Variants in EFCAB11 observed in about 807,000 individuals in gnomAD.
EFCAB11 encodes EF-hand calcium-binding domain-containing protein 11.
In EFCAB11, 14 loss-of-function variants were observed where a neutral mutation model predicts 23.0. That is an observed-to-expected ratio of 0.61 (90% CI 0.40 to 0.95). EFCAB11 has a LOEUF of 0.95. Among genes scored for constraint, EFCAB11 ranks in the 40% least tolerant of loss-of-function variants. The probability of loss-of-function intolerance (pLI) is 0.00; values close to 1 mark genes in which losing one functional copy is unlikely to be tolerated. For missense variants in EFCAB11, 198 were observed against 195.8 expected (o/e 1.01, Z -0.07); for synonymous variants, 65 against 66.6 (o/e 0.98, Z 0.11).
At chr14:89,936,157 AACC>A (rs1407364162) in intron 3 of EFCAB11, among the ~76,000 whole-genome samples, 1 of 152,230 alleles carries the variant, frequency 6.6e-6, no homozygotes, top group Non-Finnish European at 1.5e-5. Context: ...ATATAGTAAA[AACC>A]AAACAAAATT....
Position 89,943,844 on chromosome 14 carries a change from CACAT to C in EFCAB11, c.217+6249_217+6252del, listed in dbSNP as rs565692623. Reference sequence around the variant, plus strand: ...CTCCAAATAAACACACACACACACACACATACATACACACTCACACTAGAGTACA... The same window carrying C: ...CTCCAAATAAACACACACACACACACACATACACACTCACACTAGAGTACA... On this transcript the variant is annotated intron_variant, in intron 3 of 5. Coordinates refer to ENST00000316738, the MANE Select transcript of EFCAB11 (RefSeq NM_145231.4). 3.8e-3 allele frequency among the ~76,000 whole-genome samples: 582 copies of C among 152,274 alleles called. 1 individual carries two copies. The highest frequency in any genetic ancestry group is 6.7e-3 in the Non-Finnish European group (459 of 68,020).
At chr14:89,893,107 C>A (rs1228862256) in intron 5 of EFCAB11, among the ~76,000 whole-genome samples, 4 of 152,252 alleles carry the variant, frequency 2.6e-5, no homozygotes, top group Non-Finnish European at 4.4e-5. Flanking sequence ...AGCTCTCATT[C>A]CCACTCCCTT....
chr14:89,864,637 T>C (rs755124324), intron 5 of EFCAB11, among the ~76,000 whole-genome samples: 1 of 152,116 alleles, frequency 6.6e-6, no homozygotes, highest in Non-Finnish European at 1.5e-5. Flanking sequence ...CAGGGTTTTT[T>C]CATGCTGCCC....
At chr14:89,948,767 G>T (rs571849798) in intron 3 of EFCAB11, among the ~76,000 whole-genome samples, 4 of 152,150 alleles carry the variant, frequency 2.6e-5, no homozygotes, top group Admixed American at 2.6e-4. Context: ...CTCACTTATG[G>T]GATCTAAAAA....
At chr14:89,865,148 G>C (rs1372291695) in intron 5 of EFCAB11, among the ~76,000 whole-genome samples, 1 of 152,174 alleles carries the variant, frequency 6.6e-6, no homozygotes, top group Non-Finnish European at 1.5e-5. Flanking sequence ...CACTGACACG[G>C]GGCAAGGGCA....
chr14:89,810,805 C>T lies in EFCAB11; in HGVS notation c.411-13481G>A, dbSNP rs1596376689. Among the ~76,000 whole-genome samples the T allele has an allele frequency of 4.6e-5, 7 of 151,146 alleles. No individual in the cohort carries two copies. The South Asian group carries it at 1.5e-3, about 32-fold the overall frequency. The stretch of plus-strand genomic sequence containing the variant: ...ATTCCTGAGTCCAGTTACTCATTCA[C>T]CAGGCAAACACTAAGAGCCCACTAT... On this transcript the variant is annotated intron_variant, in intron 5 of 5. Transcript: ENST00000316738.
intron 5 of EFCAB11, among the ~76,000 whole-genome samples, chr14:89,898,436 C>T (rs1401680517): frequency 1.3e-5 from 2 of 152,264 alleles, no homozygotes; most frequent in East Asian, 3.9e-4. Flanking sequence ...ACGATCTCGG[C>T]TCACTGCAAC....
intron 5 of EFCAB11, among the ~76,000 whole-genome samples, chr14:89,920,942 G>A (rs887915963): frequency 6.6e-6 from 1 of 151,956 alleles, no homozygotes; most frequent in Non-Finnish European, 1.5e-5. Flanking sequence ...GTGGGCGCCT[G>A]TAATCCCAGC....
Position 89,954,646 on chromosome 14 carries a change from C to A in EFCAB11, c.15G>T (p.Glu5Asp). MFFSEARARSRTWEA... is the reference protein window; with the variant it reads MFFSDARARSRTWEA... ...CCCACGTCCGCGACCTGGCTCTGGCCTCGGAGAAGAACATCGCGACTACAA... is the reference window on the plus strand; with the variant it reads ...CCCACGTCCGCGACCTGGCTCTGGCATCGGAGAAGAACATCGCGACTACAA... The change falls in exon 1 of 6, where the codon GAG becomes GAT. Residue 5 changes from glutamate to aspartate, a missense_variant. Physicochemically the swap from Glu to Asp is conservative, Grantham distance 45. Transcript: ENST00000316738. 1 of 1,612,798 alleles carries A rather than the reference C, an allele frequency of 6.2e-7. No homozygotes were observed. Among genetic ancestry groups the A allele is most frequent in the Non-Finnish European group, 8.5e-7 (1 of 1,179,858 alleles).
At chr14:89,824,998 C>A (rs1444925313) in intron 5 of EFCAB11, among the ~76,000 whole-genome samples, 1 of 150,918 alleles carries the variant, frequency 6.6e-6, no homozygotes, top group East Asian at 1.9e-4. Context: ...CACCATCAAC[C>A]AACTTGACCT....
At chr14:89,953,221 AC>A (rs1238266154) in intron 2 of EFCAB11, among the ~76,000 whole-genome samples, 2 of 151,800 alleles carry the variant, frequency 1.3e-5, no homozygotes, top group Admixed American at 6.6e-5. Flanking sequence ...AAAAAAAAAA[AC>A]CCCACCTATA....
Position 89,928,897 on chromosome 14 carries a change from C to A in EFCAB11, c.410+2644G>T, listed in dbSNP as rs192876450. On this transcript the variant is annotated intron_variant, in intron 5 of 5. Coordinates refer to ENST00000316738, the MANE Select transcript of EFCAB11 (RefSeq NM_145231.4). ...TATATTACATATATACAATTATATA[C>A]ATTTATATAATTCCAATCATAATTA... Among the ~76,000 whole-genome samples the A allele has an allele frequency of 3.5e-3, 518 of 146,618 alleles. 3 individuals are homozygous for A. Among genetic ancestry groups the A allele is most frequent in the African/African-American group, 0.012 (470 of 40,254 alleles).
At chr14:89,903,508 T>C (rs778572553) in intron 5 of EFCAB11, among the ~76,000 whole-genome samples, 8 of 151,592 alleles carry the variant, frequency 5.3e-5, no homozygotes, top group Non-Finnish European at 1.0e-4. Context: ...TATACACTGC[T>C]AAGCAAAGGC....
chr14:89,863,161 T>C (rs551648180), intron 5 of EFCAB11, among the ~76,000 whole-genome samples: 10 of 152,052 alleles, frequency 6.6e-5, no homozygotes, highest in African/African-American at 9.6e-5. Flanking sequence ...GAAGAAATAA[T>C]ATGAAATGGA....
chr14:89,947,444 C>CTT (rs749719869), intron 3 of EFCAB11, among the ~76,000 whole-genome samples: 13 of 152,180 alleles, frequency 8.5e-5, no homozygotes, highest in Non-Finnish European at 1.5e-4. Flanking sequence ...CCACTCTGGA[C>CTT]TTAACAAAAG....
chr14:89,852,837 C>T (rs542336844), intron 5 of EFCAB11, among the ~76,000 whole-genome samples: 1 of 152,240 alleles, frequency 6.6e-6, no homozygotes, highest in South Asian at 2.1e-4. Flanking sequence ...AACCATCGTG[C>T]AACCCACCCA....
At chr14:89,911,474 C>T (rs1889674883) in intron 5 of EFCAB11, among the ~76,000 whole-genome samples, 1 of 152,264 alleles carries the variant, frequency 6.6e-6, no homozygotes, top group South Asian at 2.1e-4. Flanking sequence ...AGCCCACTCC[C>T]TCCCAACGTG....
intron 5 of EFCAB11, among the ~76,000 whole-genome samples, chr14:89,890,259 A>G (rs1368015780): frequency 6.6e-6 from 1 of 152,206 alleles, no homozygotes. Context: ...TCCTAATACT[A>G]TGGTTTTAGG....
intron 5 of EFCAB11, among the ~76,000 whole-genome samples, chr14:89,804,995 T>C (rs956102335): frequency 6.6e-6 from 1 of 152,206 alleles, no homozygotes; most frequent in East Asian, 1.9e-4. Context: ...CAGGGTCCTT[T>C]TGGATGCAGA....
Sources: gnomAD v4.1 joint callset for allele counts (sites outside exome capture counted in the v4.1 genomes callset) on GRCh38, gnomAD v4.1.1 for gene constraint, MANE v1.5 for transcripts, NCBI Gene and HGNC (gene_info 2026-07-23, HGNC 2026-07-21) for gene names.